VAV3: variants seen among roughly 807,000 people sequenced by gnomAD.
The protein encoded by VAV3 is vav guanine nucleotide exchange factor 3, also known as guanine nucleotide exchange factor VAV3.
VAV3 carries 94 observed loss-of-function variants against 131.2 expected under a neutral mutation model. The ratio of observed to expected loss-of-function variants is 0.72; its 90% confidence interval spans 0.61 to 0.85. The LOEUF is 0.85. Ranked by LOEUF, VAV3 falls within the 40% of genes least tolerant of loss-of-function variation. The pLI is 0.00. For missense variants in VAV3, 939 were observed against 1,002.7 expected, an observed-to-expected ratio of 0.94 and a Z score of 0.86; for synonymous variants, 349 against 342.0, an observed-to-expected ratio of 1.02 and a Z score of -0.22.
intron 25 of VAV3, among the ~76,000 whole-genome samples, chr1:107,581,765 C>T (rs1357506352): frequency 6.6e-6 from 1 of 152,146 alleles, no homozygotes; most frequent in East Asian, 1.9e-4. Flanking sequence ...TTATGTTCTG[C>T]CTTGATCGTG....
intron 1 of VAV3, among the ~76,000 whole-genome samples, chr1:107,937,026 C>T (rs1673752441): frequency 6.6e-6 from 1 of 152,070 alleles, no homozygotes; most frequent in Non-Finnish European, 1.5e-5. Flanking sequence ...ATTGCCACAC[C>T]TTACACACAG....
intron 2 of VAV3, among the ~76,000 whole-genome samples, chr1:107,791,434 T>A (rs1666282911): frequency 6.6e-6 from 1 of 150,804 alleles, no homozygotes. Flanking sequence ...AGTACACATG[T>A]GAACCCAAGG....
intron 2 of VAV3, among the ~76,000 whole-genome samples, chr1:107,858,588 C>T (rs1342086525): frequency 6.6e-6 from 1 of 152,122 alleles, no homozygotes; most frequent in Non-Finnish European, 1.5e-5. Context: ...AAGCATGAAG[C>T]CTACTGTGAA....
chr1:107,596,808 A>G (rs1651429338), intron 24 of VAV3, among the ~76,000 whole-genome samples: 1 of 152,342 alleles, frequency 6.6e-6, no homozygotes, highest in East Asian at 1.9e-4. Flanking sequence ...CGTGGTAAAC[A>G]AAAGTTGATA....
intron 2 of VAV3, among the ~76,000 whole-genome samples, chr1:107,857,365 A>C: frequency 6.6e-6 from 1 of 152,282 alleles, no homozygotes; most frequent in Non-Finnish European, 1.5e-5. Flanking sequence ...CAGACAGCCT[A>C]TTGTGGGACC....
At chr1:107,740,746 T>A (rs1662972905) in intron 15 of VAV3, among the ~76,000 whole-genome samples, 1 of 152,228 alleles carries the variant, frequency 6.6e-6, no homozygotes, top group African/African-American at 2.4e-5. Flanking sequence ...GGTCACTAAC[T>A]ACAGCCCACG....
intron 2 of VAV3, among the ~76,000 whole-genome samples, chr1:107,809,217 T>C (rs1262925211): frequency 6.6e-6 from 1 of 152,202 alleles, no homozygotes; most frequent in African/African-American, 2.4e-5. Flanking sequence ...TGGTTTCCTT[T>C]GACCACTGTC....
chr1:107,932,244 G>A (rs191125590), intron 1 of VAV3, among the ~76,000 whole-genome samples: 15 of 152,178 alleles, frequency 9.9e-5, no homozygotes, highest in Non-Finnish European at 1.9e-4. Flanking sequence ...GTTCAAGAGC[G>A]GGCATTAAGA....
chr1:107,718,751 C>T (rs1281008334), intron 15 of VAV3, among the ~76,000 whole-genome samples: 3 of 152,162 alleles, frequency 2.0e-5, no homozygotes, highest in Non-Finnish European at 2.9e-5. Flanking sequence ...ATTACCAAGA[C>T]AATCCTAAAC....
intron 25 of VAV3, 34 bp from the exon 26 acceptor site, chr1:107,574,232 T>C: frequency 6.2e-7 from 1 of 1,604,286 alleles, no homozygotes. Context: ...ACAGTAGGTT[T>C]GCAGTTCGTT....
intron 18 of VAV3, among the ~76,000 whole-genome samples, chr1:107,687,010 T>C (rs1659077689): frequency 6.7e-6 from 1 of 149,878 alleles, no homozygotes; most frequent in Admixed American, 6.7e-5. Flanking sequence ...AATAATATAA[T>C]AATAGCAATG....
chr1:107,891,838 CAAAAAAAAAAAAA>C (rs35693360), intron 1 of VAV3, among the ~76,000 whole-genome samples: 1,152 of 27,940 alleles, frequency 0.041, 26 homozygotes, highest in African/African-American at 0.11. Flanking sequence ...GACTCCGTCT[CAAAAAAAAAAAAA>C]AAAAAAAAAA....
rs17020006 is a variant in VAV3 at position 107,777,269 on chromosome 1, A to G, written c.408T>C (p.Asn136=). 10,757 of 1,614,072 alleles carry G rather than the reference A, an allele frequency of 6.7e-3. 46 individuals carry two copies. The highest frequency in any genetic ancestry group is 0.021 in the East Asian group (957 of 44,882). ...GAAGGCCTTTGTAGATGTCTTCATC[A>G]TTAATGCTTTCTTCTGTTGGGAAGG... ...IRPFPTEESI[N]DEDIYKGLPD... The change falls in exon 4 of 27, where the codon AAT becomes AAC. Residue 136 remains asparagine, a synonymous_variant. Transcript: ENST00000370056.
chr1:107,647,029 T>C (rs1386731719), intron 19 of VAV3, among the ~76,000 whole-genome samples: 1 of 151,714 alleles, frequency 6.6e-6, no homozygotes, highest in Non-Finnish European at 1.5e-5. Context: ...ATAAATTGTT[T>C]CACTGATAAT....
chr1:107,828,477 C>T (rs187045005), intron 2 of VAV3, among the ~76,000 whole-genome samples: 2 of 152,250 alleles, frequency 1.3e-5, no homozygotes, highest in East Asian at 3.9e-4. Context: ...ATGCATCTCA[C>T]TTAAGCCAGT....
intron 19 of VAV3, among the ~76,000 whole-genome samples, chr1:107,677,358 A>G (rs1189188795): frequency 2.6e-5 from 4 of 152,296 alleles, no homozygotes; most frequent in African/African-American, 9.6e-5. Context: ...CATTTAAGTT[A>G]CTTCAGACCT....
At chr1:107,634,900 C>A (rs1431778941) in intron 20 of VAV3, among the ~76,000 whole-genome samples, 1 of 151,918 alleles carries the variant, frequency 6.6e-6, no homozygotes, top group African/African-American at 2.4e-5. Flanking sequence ...CAGAGAAATG[C>A]AAATCAAAAC....
At chr1:107,947,350 A>G (rs1293099351) in intron 1 of VAV3, among the ~76,000 whole-genome samples, 1 of 151,982 alleles carries the variant, frequency 6.6e-6, no homozygotes, top group African/African-American at 2.4e-5. Flanking sequence ...ACTACAACAG[A>G]GAAGAAAAGT....
At chr1:107,722,519 A>C (rs1252051963) in intron 15 of VAV3, among the ~76,000 whole-genome samples, 1 of 152,216 alleles carries the variant, frequency 6.6e-6, no homozygotes, top group Non-Finnish European at 1.5e-5. Flanking sequence ...ACCACCCTCA[A>C]AAAATATTTT....
Sources: gnomAD v4.1 joint callset for allele counts (sites outside exome capture counted in the v4.1 genomes callset) on GRCh38, gnomAD v4.1.1 for gene constraint, MANE v1.5 for transcripts, NCBI Gene and HGNC (gene_info 2026-07-23, HGNC 2026-07-21) for gene names.